The following SENP2 variants were observed in gnomAD, a reference collection of about 807,000 sequenced individuals.
SENP2 encodes SUMO specific peptidase 2, also known as sentrin-specific protease 2.
A neutral mutation model predicts 86.3 loss-of-function variants in SENP2; 16 were observed. The observed-to-expected ratio is 0.19, with a 90% CI of 0.13 to 0.28. The LOEUF (loss-of-function observed/expected upper bound fraction) is 0.28. Ranked by LOEUF, SENP2 falls within the 10% of genes least tolerant of loss-of-function variation. SENP2 has a pLI of 1.00. For synonymous variants in SENP2, 222 were observed against 238.7 expected, an observed-to-expected ratio of 0.93 and a Z score of 0.64; for missense variants, 552 against 703.0, an observed-to-expected ratio of 0.79 and a Z score of 2.43.
chr3:185,615,728 T>C (rs890932539), intron 11 of SENP2, among the ~76,000 whole-genome samples: 3 of 152,252 alleles, frequency 2.0e-5, no homozygotes, highest in Admixed American at 2.0e-4. Context: ...TTTAGTATGA[T>C]GAAGCCATTT....
Position 185,627,936 on chromosome 3 carries a change from C to T in SENP2, c.1707+1543C>T, listed in dbSNP as rs145953958. 2.9e-3 allele frequency among the ~76,000 whole-genome samples: 440 copies of T among 152,182 alleles called. 2 individuals carry two copies. The highest frequency in any genetic ancestry group is 4.9e-3 in the Non-Finnish European group (330 of 68,004). On this transcript the variant is annotated intron_variant, in intron 16 of 16. Coordinates refer to ENST00000296257, the MANE Select transcript of SENP2 (RefSeq NM_021627.3). ...ACAAACTGTAATACAAACTCTATTA[C>T]GTGAAGTAACTAGGACTCCCGTGCT...
At chr3:185,606,632 A>C in intron 6 of SENP2, 134 bp downstream of exon 6, 1 of 774,812 alleles carries the variant, frequency 1.3e-6, no homozygotes. Context: ...CTCCAACAAA[A>C]TGAGGCTGTC....
intron 9 of SENP2, 143 bp from the exon 10 acceptor site, chr3:185,613,202 G>T: frequency 3.4e-6 from 2 of 586,986 alleles, no homozygotes; most frequent in Non-Finnish European, 6.0e-6. Flanking sequence ...TTTCAGAAAA[G>T]TTCGTTGACT....
intron 2 of SENP2, among the ~76,000 whole-genome samples, chr3:185,595,334 A>T (rs2148982149): frequency 6.6e-6 from 1 of 152,358 alleles, no homozygotes; most frequent in African/African-American, 2.4e-5. Flanking sequence ...TCTCCTCCTT[A>T]GAAAGTGCAG....
Position 185,617,563 on chromosome 3 carries a change from T to G in SENP2, c.1194T>G (p.Thr398=). The change falls in exon 12 of 17, where the codon ACT becomes ACG. Residue 398 remains threonine, a synonymous_variant. Transcript: ENST00000296257. The part of the protein sequence containing the change: ...ILSSAFKLRI[T]RGDIQTLKNY... ...GTAGTGCTTTCAAATTGCGAATTAC[T>G]CGAGGAGATATTCAGACATTAAAGA... 6.2e-7 allele frequency: 1 copy of G among 1,613,954 alleles called. No homozygotes were observed.
intron 13 of SENP2, among the ~76,000 whole-genome samples, chr3:185,620,060 T>A (rs2148993388): frequency 6.6e-6 from 1 of 151,516 alleles, no homozygotes; most frequent in South Asian, 2.1e-4. Flanking sequence ...TTTCTTTTTT[T>A]TTTTTAAATT....
chr3:185,623,246 A>G (rs528434074), intron 14 of SENP2, among the ~76,000 whole-genome samples: 1 of 151,582 alleles, frequency 6.6e-6, no homozygotes, highest in Non-Finnish European at 1.5e-5. Context: ...GGTTCAAGAG[A>G]TTCTCCTGCC....
At chr3:185,629,471 T>C (rs1195397864) in intron 16 of SENP2, among the ~76,000 whole-genome samples, 3 of 151,618 alleles carry the variant, frequency 2.0e-5, no homozygotes, top group Admixed American at 2.0e-4. Context: ...CCAGCTACGC[T>C]GGAGACTGAG....
chr3:185,610,381 C>T (rs1424450632), intron 7 of SENP2, among the ~76,000 whole-genome samples: 2 of 152,030 alleles, frequency 1.3e-5, no homozygotes, highest in African/African-American at 2.4e-5. Flanking sequence ...AGGCCGGTCT[C>T]GAACACCTGA....
At chr3:185,629,112 C>A (rs893232348) in intron 16 of SENP2, among the ~76,000 whole-genome samples, 1 of 152,094 alleles carries the variant, frequency 6.6e-6, no homozygotes, top group Non-Finnish European at 1.5e-5. Flanking sequence ...TAAATAAATA[C>A]GTTTTTCTCA....
At chr3:185,590,088 T>G in intron 1 of SENP2, 26 bp from the exon 2 acceptor site, 1 of 1,302,206 alleles carries the variant, frequency 7.7e-7, no homozygotes, top group African/African-American at 1.5e-5. Flanking sequence ...TCTATATATA[T>G]ATATTTTTTT....
chr3:185,607,319 C>CTTTT lies in SENP2; in HGVS notation c.618+844_618+847dup, dbSNP rs758884593. 6.4e-4 allele frequency among the ~76,000 whole-genome samples: 42 copies of CTTTT among 66,034 alleles called. 4 individuals are homozygous for CTTTT. Among genetic ancestry groups the CTTTT allele is most frequent in the African/African-American group, 8.7e-4 (15 of 17,282 alleles). 43.3% of individuals were successfully genotyped at this position (66,034 alleles called of 152,430 possible). A position where few individuals can be genotyped will look rare whatever the true frequency, so the allele number is the denominator to read the frequency against. ...TATTAGGAAGAGATAAGATTAGATT[C>CTTTT]TTTTTTTTTTTTTTTTTTTTTTTTT... On this transcript the variant is annotated intron_variant, in intron 6 of 16. Coordinates refer to ENST00000296257, the MANE Select transcript of SENP2 (RefSeq NM_021627.3).
rs750845294 is a variant in SENP2 at position 185,613,420 on chromosome 3, T to C, written c.933+12T>C. On this transcript the variant is annotated intron_variant, in intron 10 of 16. Coordinates refer to ENST00000296257, the MANE Select transcript of SENP2 (RefSeq NM_021627.3). ...TTGAAAATGAAAGTGTAAGTAAAAA[T>C]CCTAGTTACATTTGATACCTGTTTA... 1.3e-5 allele frequency: 20 copies of C among 1,545,636 alleles called. No individual in the cohort carries two copies. The highest frequency in any genetic ancestry group is 1.7e-5 in the Admixed American group (1 of 59,462).
At position 185,631,423 on chromosome 3, in the gene SENP2, T is replaced by C. The variant is rs1577754221; in HGVS notation, c.*1579T>C. On this transcript the variant is annotated 3_prime_UTR_variant, in exon 17 of 17. Transcript: ENST00000296257. Reference sequence around the variant, plus strand: ...AAGCGGGAGCAGGTTGTACCACACCTCTCCCCCCCCCCTCCCACTCCCCCT... The same window carrying C: ...AAGCGGGAGCAGGTTGTACCACACCCCTCCCCCCCCCCTCCCACTCCCCCT... 4 of 32,400 alleles carry C rather than the reference T, an allele frequency of 1.2e-4. No homozygotes were observed. The highest frequency in any genetic ancestry group is 3.7e-4 in the African/African-American group (2 of 5,386). The allele number at this position is 32,400 out of a possible 1,614,324, so 2.0% of individuals were successfully genotyped here. A position where few individuals can be genotyped will look rare whatever the true frequency, so the allele number is the denominator to read the frequency against.
intron 16 of SENP2, among the ~76,000 whole-genome samples, 173 bp from the exon 17 acceptor site, chr3:185,629,608 CA>C (rs1273762038): frequency 6.6e-6 from 1 of 150,958 alleles, no homozygotes; most frequent in Non-Finnish European, 1.5e-5. Context: ...TGGTACATAT[CA>C]TGTAATTATG....
At chr3:185,593,310 A>G (rs531530289) in intron 2 of SENP2, among the ~76,000 whole-genome samples, 33 of 152,206 alleles carry the variant, frequency 2.2e-4, no homozygotes, top group African/African-American at 7.7e-4. Flanking sequence ...GGGTCTTGCT[A>G]TATTGCTCAG....
chr3:185,587,730 C>CAATTTTTTT, intron 1 of SENP2, among the ~76,000 whole-genome samples: 1 of 73,116 alleles, frequency 1.4e-5, no homozygotes, highest in East Asian at 3.1e-4. Flanking sequence ...CCATGCCCGG[C>CAATTTTTTT]TATTTTTTTT....
In SENP2 at chr3:185,598,972, T is replaced by C; in HGVS notation, c.306T>C (p.Ser102=). Residue 102 remains serine (S), a synonymous_variant, in exon 4 of 17, where the codon TCT becomes TCC. Coordinates refer to ENST00000296257, the MANE Select transcript of SENP2 (RefSeq NM_021627.3). The part of the protein sequence containing the change: ...VAPSGEVFSN[S]SSCELTGSGS... ...TTGATTTTAAGGTATTTTCGAACTC[T>C]TCATCTTGTGAACTGACAGGTTCTG... 6.2e-7 allele frequency: 1 copy of C among 1,613,052 alleles called. No individual in the cohort carries two copies. The highest frequency in any genetic ancestry group is 8.5e-7 in the Non-Finnish European group (1 of 1,179,578).
Position 185,586,936 on chromosome 3 carries a change from C to T in SENP2, c.101+422C>T, listed in dbSNP as rs866505804. 6.6e-6 allele frequency among the ~76,000 whole-genome samples: 1 copy of T among 152,170 alleles called. No homozygotes were observed. Among genetic ancestry groups the T allele is most frequent in the Non-Finnish European group, 1.5e-5 (1 of 68,032 alleles). On this transcript the variant is annotated intron_variant, in intron 1 of 16. Transcript: ENST00000296257. This position sits in a 1 kb window ranked among gnomAD's most constrained non-coding sequence, Gnocchi z 4.3. Reference sequence around the variant, plus strand: ...GTTTTGACTGCAAGTACTGTCCTTGCAGCAAGAAACAGCACCTGTTTTGTT... The same window carrying T: ...GTTTTGACTGCAAGTACTGTCCTTGTAGCAAGAAACAGCACCTGTTTTGTT...
Sources: gnomAD v4.1 joint callset for allele counts (sites outside exome capture counted in the v4.1 genomes callset) on GRCh38, gnomAD v4.1.1 for gene constraint, Gnocchi (gnomAD v3.1) non-coding constraint, MANE v1.5 for transcripts, NCBI Gene and HGNC (gene_info 2026-07-23, HGNC 2026-07-21) for gene names.